The following FRAS1 variants were observed in gnomAD, a reference collection of about 807,000 sequenced individuals.
FRAS1 encodes the protein extracellular matrix organizing protein FRAS1.
Under a neutral mutation model 435.2 loss-of-function variants are expected in FRAS1, and 290 were observed. The ratio of observed to expected loss-of-function variants is 0.67; its 90% CI spans 0.61 to 0.73. FRAS1 has a LOEUF of 0.73. Among genes scored for constraint, FRAS1 ranks in the 30% least tolerant of loss-of-function variants. The pLI is 0.00. For missense variants in FRAS1, 4,860 were observed against 5,001.5 expected (o/e 0.97, Z 0.85); for synonymous variants, 1,800 against 1,851.0 (o/e 0.97, Z 0.71).
chr4:78,289,721 G>A (rs183434882), intron 14 of FRAS1, among the ~76,000 whole-genome samples: 3 of 152,146 alleles, frequency 2.0e-5, no homozygotes, highest in Non-Finnish European at 2.9e-5. Flanking sequence ...GGTTCCTGCC[G>A]CTTGCCCTGC....
chr4:78,345,063 C>T (rs996164200), intron 20 of FRAS1, among the ~76,000 whole-genome samples: 5 of 152,058 alleles, frequency 3.3e-5, no homozygotes, highest in African/African-American at 9.7e-5. Context: ...TTAATTTGGC[C>T]ATTTTCCTGT....
chr4:78,508,605 TCTC>T (rs1720924262), intron 62 of FRAS1, 123 bp from the exon 63 acceptor site: 5 of 935,066 alleles, frequency 5.3e-6, no homozygotes, highest in Non-Finnish European at 8.0e-6. Flanking sequence ...TATAAAAACT[TCTC>T]CTGTTATATT....
intron 3 of FRAS1, among the ~76,000 whole-genome samples, chr4:78,244,766 T>C (rs1292897397): frequency 1.3e-5 from 2 of 152,182 alleles, no homozygotes; most frequent in East Asian, 3.8e-4. Context: ...TCTCAGAACT[T>C]TGTCCTGCAA....
chr4:78,293,111 C>G (rs1189128488), intron 14 of FRAS1, among the ~76,000 whole-genome samples: 1 of 152,182 alleles, frequency 6.6e-6, no homozygotes, highest in African/African-American at 2.4e-5. Context: ...AGTTAAGGAA[C>G]TTAACTTCCT....
intron 14 of FRAS1, among the ~76,000 whole-genome samples, chr4:78,307,062 T>G (rs568717323): frequency 9.8e-5 from 15 of 152,314 alleles, no homozygotes; most frequent in East Asian, 7.7e-4. Context: ...GTCCTTTCTG[T>G]TTGTTAGTTT....
At chr4:78,257,637 A>G (rs17003090) in intron 6 of FRAS1, among the ~76,000 whole-genome samples, 4,769 of 152,308 alleles carry the variant, frequency 0.031, 254 homozygotes, top group African/African-American at 0.11. Flanking sequence ...ACAATCACCC[A>G]TATTTCCACC....
chr4:78,369,028 C>T (rs974902905), intron 22 of FRAS1, among the ~76,000 whole-genome samples: 5 of 152,188 alleles, frequency 3.3e-5, no homozygotes, highest in East Asian at 1.9e-4. Flanking sequence ...GGGGTCAGAG[C>T]GGAGATGGGG....
intron 38 of FRAS1, among the ~76,000 whole-genome samples, chr4:78,433,275 G>A (rs1050598879): frequency 1.4e-4 from 21 of 152,248 alleles, no homozygotes; most frequent in African/African-American, 5.1e-4. Flanking sequence ...AGGATAATGA[G>A]GATGATTAAT....
chr4:78,311,603 G>A (rs1012917295), intron 15 of FRAS1, among the ~76,000 whole-genome samples: 1 of 152,188 alleles, frequency 6.6e-6, no homozygotes, highest in African/African-American at 2.4e-5. Context: ...AGAATGGCTG[G>A]TTTTTTGACT....
In FRAS1 at chr4:78,387,616, A is replaced by T. The variant is rs1448273554; in HGVS notation, c.3890A>T (p.Asp1297Val). Residue 1297 changes from aspartate to valine, a missense_variant, in exon 29 of 74, where the codon GAC (aspartate) becomes GTC (valine). Coordinates refer to ENST00000512123, the MANE Select transcript of FRAS1 (RefSeq NM_025074.7). ...CTCCACTATGCTCATGATGGTTCAG[A>T]CAGCACATCCGATGTTGCAGTCTTG... Reference protein sequence around the residue: ...GLLHYAHDGSDSTSDVAVLQA... With the variant: ...GLLHYAHDGSVSTSDVAVLQA... 6.2e-7 allele frequency: 1 copy of T among 1,612,026 alleles called. No homozygotes were observed. Among genetic ancestry groups the T allele is most frequent in the African/African-American group, 1.3e-5 (1 of 74,880 alleles).
At chr4:78,452,817 T>C (rs1291371752) in intron 47 of FRAS1, among the ~76,000 whole-genome samples, 1 of 152,186 alleles carries the variant, frequency 6.6e-6, no homozygotes, top group Non-Finnish European at 1.5e-5. Flanking sequence ...GAGTTCTCTA[T>C]TGGGTAAAAT....
At chr4:78,370,732 A>T (rs959112789) in intron 23 of FRAS1, among the ~76,000 whole-genome samples, 9 of 152,236 alleles carry the variant, frequency 5.9e-5, no homozygotes, top group Non-Finnish European at 1.2e-4. Flanking sequence ...AAGGAAATTT[A>T]TAAGGAGATA....
chr4:78,181,835 C>T (rs1304602223), intron 2 of FRAS1: 6 of 1,612,074 alleles, frequency 3.7e-6, no homozygotes, highest in Non-Finnish European at 3.4e-6. Flanking sequence ...GGACTCCTTG[C>T]GCAGCTGTTT....
intron 26 of FRAS1, among the ~76,000 whole-genome samples, chr4:78,378,550 G>A (rs1041348331): frequency 1.3e-5 from 2 of 152,096 alleles, no homozygotes; most frequent in Non-Finnish European, 2.9e-5. Context: ...TAATCCATGA[G>A]GTTTTGATTT....
intron 59 of FRAS1, 56 bp from the exon 60 acceptor site, chr4:78,496,748 AG>A: frequency 6.7e-7 from 1 of 1,500,842 alleles, no homozygotes; most frequent in Non-Finnish European, 9.0e-7. Flanking sequence ...AGGAAAACCA[AG>A]CAAATCACTG....
At chr4:78,251,950 G>A (rs911436321) in intron 4 of FRAS1, among the ~76,000 whole-genome samples, 1 of 151,998 alleles carries the variant, frequency 6.6e-6, no homozygotes, top group African/African-American at 2.4e-5. Flanking sequence ...AGAAAGGGGG[G>A]AGTGGAATAT....
At chr4:78,457,884 T>C (rs1719254753) in intron 47 of FRAS1, among the ~76,000 whole-genome samples, 3 of 152,236 alleles carry the variant, frequency 2.0e-5, no homozygotes, top group Admixed American at 6.5e-5. Context: ...TTCCTTACCC[T>C]AATTAGCCTT....
chr4:78,280,680 A>G (rs1355376323), intron 10 of FRAS1, among the ~76,000 whole-genome samples: 1 of 151,180 alleles, frequency 6.6e-6, no homozygotes, highest in African/African-American at 2.4e-5. Context: ...AACAGTGCAG[A>G]CTCTAGGTTC....
At chr4:78,422,144 C>T (rs1283974859) in intron 34 of FRAS1, 144 bp downstream of exon 34, 2 of 764,138 alleles carry the variant, frequency 2.6e-6, no homozygotes, top group Non-Finnish European at 3.9e-6. Context: ...GACCTGTCAG[C>T]CAATATGTAA....
Sources: gnomAD v4.1 joint callset for allele counts (sites outside exome capture counted in the v4.1 genomes callset) on GRCh38, gnomAD v4.1.1 for gene constraint, MANE v1.5 for transcripts, NCBI Gene and HGNC (gene_info 2026-07-23, HGNC 2026-07-21) for gene names.